Variants in PLCB2 observed in about 807,000 individuals in gnomAD.
PLCB2 encodes 1-phosphatidylinositol 4,5-bisphosphate phosphodiesterase beta-2.
In PLCB2, 115 loss-of-function variants were observed where a neutral mutation model predicts 141.7. That is an observed-to-expected ratio of 0.81 (90% CI 0.70 to 0.95). The LOEUF (loss-of-function observed/expected upper bound fraction) is 0.95. Ranked by LOEUF, PLCB2 falls within the 40% of genes least tolerant of loss-of-function variation. The pLI is 0.00. For missense variants in PLCB2, 1,403 were observed against 1,541.1 expected, an observed-to-expected ratio of 0.91 and a Z score of 1.50; for synonymous variants, 603 against 595.6, an observed-to-expected ratio of 1.01 and a Z score of -0.18.
Position 40,297,428 on chromosome 15 carries a change from C to T in PLCB2, c.1323+93G>A. 1 of 935,856 alleles carries T rather than the reference C, an allele frequency of 1.1e-6. No individual in the cohort carries two copies. The highest frequency in any genetic ancestry group is 2.4e-5 in the East Asian group (1 of 41,108). The allele number at this position is 935,856 out of a possible 1,614,324, so 58.0% of individuals were successfully genotyped here. On this transcript the variant is annotated intron_variant, in intron 13 of 31. Transcript: ENST00000260402. This position sits in a 1 kb window ranked among gnomAD's most constrained non-coding sequence, Gnocchi z 4.2. ...CATCTAACCAAGTGAACCCTAGCAT[C>T]CTCTGGGAGTGTCTCCCTCCCTAAC...
Position 40,298,823 on chromosome 15 carries a change from C to T in PLCB2, c.825G>A (p.Glu275=), listed in dbSNP as rs2040367206. The change falls in exon 9 of 32, where the codon GAG becomes GAA. Residue 275 remains glutamate, a synonymous_variant. Transcript: ENST00000260402. ...CCCTCTGTGCATTGATGCCACTGGGCTCATACTTGTCGATGAGGCCCTGCA... is the reference window on the plus strand; with the variant it reads ...CCCTCTGTGCATTGATGCCACTGGGTTCATACTTGTCGATGAGGCCCTGCA... ...DQVQGLIDKY[E]PSGINAQRGQ... The T allele has an allele frequency of 1.9e-6, 3 of 1,613,638 alleles. 1 individual carries two copies. The highest frequency in any genetic ancestry group is 2.5e-6 in the Non-Finnish European group (3 of 1,179,834).
At chr15:40,300,036 C>T (rs755210531) in intron 7 of PLCB2, among the ~76,000 whole-genome samples, 40 of 152,286 alleles carry the variant, frequency 2.6e-4, no homozygotes, top group African/African-American at 8.9e-4. Context: ...CAAGTGTCAG[C>T]GGGATGTGAC....
intron 25 of PLCB2, 44 bp downstream of exon 25, chr15:40,291,562 G>T: frequency 1.2e-6 from 2 of 1,611,254 alleles, no homozygotes; most frequent in South Asian, 1.1e-5. Flanking sequence ...CCCCGGACCC[G>T]CCCCAGGCTC....
chr15:40,292,222 G>T, intron 22 of PLCB2, 64 bp from the exon 23 acceptor site: 1 of 1,521,380 alleles, frequency 6.6e-7, no homozygotes, highest in Non-Finnish European at 9.1e-7. Context: ...AGTCTCCCCT[G>T]TCCTCACCCA....
Position 40,291,157 on chromosome 15 carries a change from C to T in PLCB2, c.2897G>A (p.Gly966Glu). The stretch of plus-strand genomic sequence containing the variant: ...CTCAGGGCCCTCGCCCGGCGCGGCT[C>T]CGGCGCTCTCCTCGCGGGGCAGGCT... Reference protein sequence around the residue: ...KRSLPREESAGAAPGEGPEGV... With the variant: ...KRSLPREESAEAAPGEGPEGV... The change falls in exon 27 of 32, where the codon GGA becomes GAA. Residue 966 changes from glycine (G) to glutamate (E), a missense_variant. Physicochemically the swap from Gly to Glu is moderately conservative, Grantham distance 98. Around this residue, in one of 4 missense-constraint regions of PLCB2, gnomAD observed 290 missense variants for 245.9 expected, o/e 1.18. Transcript: ENST00000260402. 6.4e-7 allele frequency: 1 copy of T among 1,571,042 alleles called. No individual in the cohort carries two copies.
intron 15 of PLCB2, 60 bp downstream of exon 15, chr15:40,296,462 C>G (rs1267193972): frequency 5.0e-6 from 8 of 1,613,062 alleles, no homozygotes; most frequent in African/African-American, 1.3e-5. Flanking sequence ...CCAAGGCCCC[C>G]ATCCAGGGGG....
chr15:40,294,212 C>A (rs1456336439), intron 19 of PLCB2, 54 bp downstream of exon 19: 77 of 1,574,796 alleles, frequency 4.9e-5, no homozygotes, highest in Non-Finnish European at 6.6e-5. Flanking sequence ...GGCTCCTGTG[C>A]CCTTCTACTC....
chr15:40,307,821 TG>T lies in PLCB2; in HGVS notation c.-150del. The T allele has an allele frequency of 1.7e-6, 1 of 580,854 alleles. No individual in the cohort carries two copies. Among genetic ancestry groups the T allele is most frequent in the South Asian group, 2.6e-5 (1 of 38,800 alleles). The allele number at this position is 580,854 out of a possible 1,614,324, so 36.0% of individuals were successfully genotyped here. ...GAAATCTAGTTGCTCTTATAGCCCCTGGGGTGGCCCTGGCTGAGTGCAGGAC... is the reference window on the plus strand; with the variant it reads ...GAAATCTAGTTGCTCTTATAGCCCCTGGGTGGCCCTGGCTGAGTGCAGGAC... On this transcript the variant is annotated 5_prime_UTR_variant, in exon 1 of 32. An upstream open reading frame in the 5' UTR loses its in-frame stop. Transcript: ENST00000260402.
chr15:40,291,962 G>A, intron 23 of PLCB2, 38 bp from the exon 24 acceptor site: 2 of 1,610,100 alleles, frequency 1.2e-6, no homozygotes, highest in Non-Finnish European at 1.7e-6. Flanking sequence ...TGGCTTGACA[G>A]CCCTCTCTCC....
intron 7 of PLCB2, 188 bp downstream of exon 7, chr15:40,301,769 C>G: frequency 1.4e-6 from 1 of 697,618 alleles, no homozygotes; most frequent in South Asian, 1.6e-5. Flanking sequence ...CAGGGTCTCA[C>G]TCCCTTGCCC....
Position 40,297,688 on chromosome 15 carries a change from G to C in PLCB2, c.1239-83C>G. 1 of 1,210,620 alleles carries C rather than the reference G, an allele frequency of 8.3e-7. No individual in the cohort carries two copies. Among genetic ancestry groups the C allele is most frequent in the Non-Finnish European group, 1.2e-6 (1 of 827,844 alleles). The allele number at this position is 1,210,620 out of a possible 1,614,324, so 75.0% of individuals were successfully genotyped here. On this transcript the variant is annotated intron_variant, in intron 12 of 31. Transcript: ENST00000260402. The surrounding 1 kb of genome is among the most constrained non-coding windows in gnomAD (Gnocchi z 4.2). ...ATCCTTTTGTGCCCTTGATGACCCA[G>C]ATCAGGGGCCAGGAGGTCAGGGAGG...
chr15:40,293,122 A>G, intron 20 of PLCB2, 97 bp from the exon 21 acceptor site: 1 of 721,044 alleles, frequency 1.4e-6, no homozygotes, highest in Non-Finnish European at 2.4e-6. Context: ...GTGTGAGAAC[A>G]TGGTGAGTGT....
At position 40,297,682 on chromosome 15, in the gene PLCB2, G is replaced by T; in HGVS notation, c.1239-77C>A. ...TTATGCATCCTTTTGTGCCCTTGATGACCCAGATCAGGGGCCAGGAGGTCA... is the reference window on the plus strand; with the variant it reads ...TTATGCATCCTTTTGTGCCCTTGATTACCCAGATCAGGGGCCAGGAGGTCA... On this transcript the variant is annotated intron_variant, in intron 12 of 31. Transcript: ENST00000260402. The surrounding 1 kb of genome is among the most constrained non-coding windows in gnomAD (Gnocchi z 4.2). 1.6e-6 allele frequency: 2 copies of T among 1,272,980 alleles called. No homozygotes were observed. The highest frequency in any genetic ancestry group is 2.5e-5 in the South Asian group (2 of 79,652). 78.9% of individuals were successfully genotyped at this position (1,272,980 alleles called of 1,614,324 possible).
chr15:40,290,082 C>A lies in PLCB2; in HGVS notation c.3210G>T (p.Arg1070Ser), dbSNP rs1310869679. 1.2e-6 allele frequency: 2 copies of A among 1,603,216 alleles called. No individual in the cohort carries two copies. Among genetic ancestry groups the A allele is most frequent in the Non-Finnish European group, 1.7e-6 (2 of 1,170,702 alleles). Residue 1070 changes from arginine to serine, a missense_variant and splice_region_variant, in exon 30 of 32, where the codon AGG becomes AGT. Arg to Ser is a moderately radical substitution (Grantham distance 110). Around this residue, in one of 4 missense-constraint regions of PLCB2, gnomAD observed 6 missense variants for 21.7 expected, o/e 0.28. Coordinates refer to ENST00000260402, the MANE Select transcript of PLCB2 (RefSeq NM_004573.3). ...GGGAGTTGTTAATCTCTCTCTTCAA[C>A]CTGTTGGTGTAATTGGAGTTTTAGA... ...KVTTDKMAQERLKREINNSHI... is the reference protein window; with the variant it reads ...KVTTDKMAQESLKREINNSHI...
intron 1 of PLCB2, among the ~76,000 whole-genome samples, chr15:40,306,816 C>T (rs1015628906): frequency 6.6e-6 from 1 of 152,236 alleles, no homozygotes; most frequent in Non-Finnish European, 1.5e-5. Context: ...GCAGCCTCCC[C>T]TCCCTGAAGG....
chr15:40,288,213 G>A lies in PLCB2; in HGVS notation c.*502C>T, dbSNP rs1009547956. On this transcript the variant is annotated 3_prime_UTR_variant, in exon 32 of 32. Transcript: ENST00000260402. The stretch of plus-strand genomic sequence containing the variant: ...TCAGCCAGGGAGTGGCCGTCCCCAG[G>A]GAGCTGTGAGGTAGTGCCAGGATCT... 2.0e-6 allele frequency: 2 copies of A among 985,798 alleles called. No homozygotes were observed. Among genetic ancestry groups the A allele is most frequent in the African/African-American group, 3.5e-5 (2 of 57,260 alleles). 61.1% of individuals were successfully genotyped at this position (985,798 alleles called of 1,614,324 possible).
rs1462929982 is a variant in PLCB2, at chr15:40,291,060, C to G, written c.2994G>C (p.Gln998His). The change falls in exon 27 of 32, where the codon CAG (glutamine) becomes CAC (histidine). Residue 998 changes from glutamine (Q) to histidine (H), a missense_variant. By Grantham distance (24) the Gln-to-His change is conservative. Around this residue, in one of 4 missense-constraint regions of PLCB2, gnomAD observed 290 missense variants for 245.9 expected, o/e 1.18. Transcript: ENST00000260402. ...ELELLRQGEEQYECVLKRKEQ... is the reference protein window; with the variant it reads ...ELELLRQGEEHYECVLKRKEQ... ...CCTTGCGCTTCAGAACGCACTCGTA[C>G]TGCTCCTCGCCCTGCCGCAGCAGCT... The G allele has an allele frequency of 1.9e-6, 3 of 1,592,104 alleles. No individual in the cohort carries two copies. Among genetic ancestry groups the G allele is most frequent in the Non-Finnish European group, 2.5e-6 (3 of 1,176,934 alleles).
At chr15:40,287,057 C>G (rs1566865378), downstream of PLCB2, among the ~76,000 whole-genome samples, 2 of 152,202 alleles carry the variant, frequency 1.3e-5, no homozygotes, top group Non-Finnish European at 2.9e-5. Context: ...TCAGTGAGTT[C>G]CTCTAGGCCC....
intron 7 of PLCB2, chr15:40,301,229 C>G (rs1181779733): frequency 3.7e-6 from 1 of 271,592 alleles, no homozygotes; most frequent in Non-Finnish European, 7.0e-6. Flanking sequence ...TTATTTATAA[C>G]GTTCCAAATT....
Sources: gnomAD v4.1 joint callset for allele counts (sites outside exome capture counted in the v4.1 genomes callset) on GRCh38, gnomAD v4.1.1 for gene constraint, gnomAD v4.1.1 regional missense constraint, Gnocchi (gnomAD v3.1) non-coding constraint, MANE v1.5 for transcripts, NCBI Gene and HGNC (gene_info 2026-07-23, HGNC 2026-07-21) for gene names.